Variants in TM4SF5 observed in about 807,000 individuals in gnomAD.
The protein encoded by TM4SF5 is transmembrane 4 L6 family member 5.
In TM4SF5, 16 loss-of-function variants were observed where a neutral mutation model predicts 22.3. That is an observed-to-expected ratio of 0.72 (90% CI 0.49 to 1.09). The LOEUF (loss-of-function observed/expected upper bound fraction) is 1.09, where lower values mean the gene tolerates loss of function less well. Ranked by LOEUF, TM4SF5 falls within the 50% of genes least tolerant of loss-of-function variation. The pLI is 0.00. For missense variants in TM4SF5, 249 were observed against 266.1 expected, an observed-to-expected ratio of 0.94 and a Z score of 0.45; for synonymous variants, 113 against 109.6, an observed-to-expected ratio of 1.03 and a Z score of -0.19.
At position 4,777,267 on chromosome 17, in the gene TM4SF5, G is replaced by T. The variant is rs1347772506; in HGVS notation, c.178-3522G>T. ...AAGACATCCAGGAGAGATGAGAGTG[G>T]CTTGGACTAGGCCAGTGGCTATGGA... On this transcript the variant is annotated intron_variant, in intron 1 of 4. Transcript: ENST00000270560. Among the ~76,000 whole-genome samples the T allele has an allele frequency of 2.0e-5, 3 of 152,050 alleles. No homozygotes were observed. In the South Asian group the frequency reaches 6.2e-4, roughly 32 times the overall value.
At chr17:4,772,236 C>T (rs1309570417) in intron 1 of TM4SF5, 137 bp downstream of exon 1, 6 of 1,079,732 alleles carry the variant, frequency 5.6e-6, no homozygotes, top group Non-Finnish European at 7.9e-6. Flanking sequence ...GGCTAGCAGC[C>T]CTCTGGAGTC....
At chr17:4,782,015 C>A (rs190917093) in intron 2 of TM4SF5, among the ~76,000 whole-genome samples, 1 of 151,500 alleles carries the variant, frequency 6.6e-6, no homozygotes, top group African/African-American at 2.4e-5. Flanking sequence ...CGCAGAGGAG[C>A]TTGTGTAGCT....
intron 1 of TM4SF5, among the ~76,000 whole-genome samples, chr17:4,777,443 A>C (rs1917227569): frequency 6.6e-6 from 1 of 152,178 alleles, no homozygotes; most frequent in South Asian, 2.1e-4. Flanking sequence ...CAAAAGAGTA[A>C]AAATCTCAAA....
intron 1 of TM4SF5, among the ~76,000 whole-genome samples, chr17:4,773,627 CCT>C (rs1468466006): frequency 6.6e-6 from 1 of 152,074 alleles, no homozygotes; most frequent in African/African-American, 2.4e-5. Flanking sequence ...CCAACAATCC[CCT>C]CTTACTCTCT....
intron 1 of TM4SF5, among the ~76,000 whole-genome samples, chr17:4,779,251 A>G (rs1597298812): frequency 6.6e-6 from 1 of 152,146 alleles, no homozygotes; most frequent in East Asian, 1.9e-4. Context: ...GCAAATAGCA[A>G]GACCCCATGT....
intron 2 of TM4SF5, among the ~76,000 whole-genome samples, chr17:4,781,095 G>T (rs754190569): frequency 6.8e-6 from 1 of 148,070 alleles, no homozygotes; most frequent in Non-Finnish European, 1.5e-5. Flanking sequence ...TGGGAGGGCC[G>T]CTTGAGCCCA....
intron 2 of TM4SF5, among the ~76,000 whole-genome samples, chr17:4,781,073 G>A (rs1917297232): frequency 1.3e-5 from 2 of 150,428 alleles, no homozygotes; most frequent in Admixed American, 1.3e-4. Context: ...TCGGCTACTT[G>A]GGAGGCTGAG....
At position 4,772,218 on chromosome 17, in the gene TM4SF5, T is replaced by C. The variant is rs375612836; in HGVS notation, c.177+119T>C. 128 of 1,273,724 alleles carry C rather than the reference T, an allele frequency of 1.0e-4. No homozygotes were observed. In the African/African-American group the frequency reaches 1.4e-3, roughly 14 times the overall value. 78.9% of individuals were successfully genotyped at this position (1,273,724 alleles called of 1,614,324 possible). A position where few individuals can be genotyped will look rare whatever the true frequency, so the allele number is the denominator to read the frequency against. ...TTGCTTGGGAGAGGATGGCAATGGC[T>C]TCGTGGGGGCTAGCAGCCCTCTGGA... On this transcript the variant is annotated intron_variant, in intron 1 of 4. Transcript: ENST00000270560.
Position 4,772,012 on chromosome 17 carries a change from A to C in TM4SF5, c.90A>C (p.Val30=). 2 of 1,614,042 alleles carry C rather than the reference A, an allele frequency of 1.2e-6. No individual in the cohort carries two copies. Among genetic ancestry groups the C allele is most frequent in the African/African-American group, 2.7e-5 (2 of 75,006 alleles). ...TTGTGGCCAACGCCCTCCTGCTGGT[A>C]CCTAATGGGGAGACCTCCTGGACCA... is the stretch of plus-strand genomic sequence containing the variant. ...VCIVANALLL[V]PNGETSWTNT... The change falls in exon 1 of 5, where the codon GTA becomes GTC. Residue 30 remains valine (V), a synonymous_variant. Coordinates refer to ENST00000270560, the MANE Select transcript of TM4SF5 (RefSeq NM_003963.3).
At chr17:4,777,956 G>A (rs141060581) in intron 1 of TM4SF5, among the ~76,000 whole-genome samples, 7 of 152,218 alleles carry the variant, frequency 4.6e-5, no homozygotes, top group African/African-American at 1.7e-4. Context: ...TAAGGTGAGA[G>A]GATCACTTGA....
In TM4SF5 at chr17:4,771,996, A is replaced by G. The variant is rs1917117670; in HGVS notation, c.74A>G (p.Asn25Ser). ...ITLCLVCIVA[N>S]ALLLVPNGET... ...CTCTGCCTCGTCTGCATTGTGGCCA[A>G]CGCCCTCCTGCTGGTACCTAATGGG... Residue 25 changes from asparagine (N) to serine (S), a missense_variant, in exon 1 of 5, where the codon AAC becomes AGC. Physicochemically the swap from Asn to Ser is conservative, Grantham distance 46. Transcript: ENST00000270560. 2 of 1,613,988 alleles carry G rather than the reference A, an allele frequency of 1.2e-6. No homozygotes were observed. The highest frequency in any genetic ancestry group is 1.7e-6 in the Non-Finnish European group (2 of 1,179,998).
chr17:4,772,085 G>C lies in TM4SF5; in HGVS notation c.163G>C (p.Gly55Arg). ...AGTCTGGCTCATGGGCGGCTTCATT[G>C]GCGGGGGCCTAATGGTGAGAAGGCT... ...LQVWLMGGFI[G>R]GGLMVLCPGI... Residue 55 changes from glycine to arginine, a missense_variant, in exon 1 of 5, where the codon GGC becomes CGC. By Grantham distance (125) the Gly-to-Arg change is moderately radical. Coordinates refer to ENST00000270560, the MANE Select transcript of TM4SF5 (RefSeq NM_003963.3). The C allele has an allele frequency of 6.2e-7, 1 of 1,614,224 alleles. No individual in the cohort carries two copies. Among genetic ancestry groups the C allele is most frequent in the Non-Finnish European group, 8.5e-7 (1 of 1,180,044 alleles).
chr17:4,783,143 C>A lies in TM4SF5; in HGVS notation c.*15C>A. ...CACCTCACTGAGGCTCCACTGACCG[C>A]CGGGTTACACCTGCTCCTTCCTGGA... is the stretch of plus-strand genomic sequence containing the variant. On this transcript the variant is annotated 3_prime_UTR_variant, in exon 5 of 5. Coordinates refer to ENST00000270560, the MANE Select transcript of TM4SF5 (RefSeq NM_003963.3). 1 of 1,613,050 alleles carries A rather than the reference C, an allele frequency of 6.2e-7. No individual in the cohort carries two copies. The highest frequency in any genetic ancestry group is 1.3e-5 in the African/African-American group (1 of 74,796).
At chr17:4,776,793 T>TGTA (rs2150646019) in intron 1 of TM4SF5, among the ~76,000 whole-genome samples, 1 of 152,344 alleles carries the variant, frequency 6.6e-6, no homozygotes, top group East Asian at 1.9e-4. Context: ...GCCAGTTTTC[T>TGTA]GTAGTTCTTA....
intron 2 of TM4SF5, among the ~76,000 whole-genome samples, chr17:4,781,135 TAAAAAAAAAAAAAA>T (rs541886050): frequency 5.0e-4 from 62 of 125,064 alleles, no homozygotes; most frequent in Non-Finnish European, 6.2e-4. Flanking sequence ...AGCAGTGATT[TAAAAAAAAAAAAAA>T]AAAAAAAAAA....
chr17:4,772,515 T>A (rs1917131117), intron 1 of TM4SF5, among the ~76,000 whole-genome samples: 1 of 152,084 alleles, frequency 6.6e-6, no homozygotes, highest in African/African-American at 2.4e-5. Context: ...GGGACTGCCC[T>A]CACGGATCAG....
intron 2 of TM4SF5, 110 bp downstream of exon 2, chr17:4,780,979 G>C: frequency 1.1e-6 from 1 of 889,590 alleles, no homozygotes; most frequent in East Asian, 2.8e-5. Context: ...AGGAGTTCTA[G>C]ACCAGCCCAG....
Position 4,771,911 on chromosome 17 carries a change from TGA to T in TM4SF5, c.-11_-10del. 1 of 1,614,108 alleles carries T rather than the reference TGA, an allele frequency of 6.2e-7. No individual in the cohort carries two copies. Among genetic ancestry groups the T allele is most frequent in the Non-Finnish European group, 8.5e-7 (1 of 1,179,972 alleles). On this transcript the variant is annotated 5_prime_UTR_variant, in exon 1 of 5. Transcript: ENST00000270560. ...ACTTTCACTCACCGCCTGTCCTTCC[TGA>T]CACCTCACCATGTGTACGGGAAAAT...
At position 4,772,054 on chromosome 17, in the gene TM4SF5, C is replaced by A; in HGVS notation, c.132C>A (p.Ser44Arg). The A allele has an allele frequency of 6.2e-7, 1 of 1,614,230 alleles. No individual in the cohort carries two copies. Among genetic ancestry groups the A allele is most frequent in the Non-Finnish European group, 8.5e-7 (1 of 1,180,046 alleles). The change falls in exon 1 of 5, where the codon AGC becomes AGA. Residue 44 changes from serine (S) to arginine (R), a missense_variant. Physicochemically the swap from Ser to Arg is moderately radical, Grantham distance 110. Coordinates refer to ENST00000270560, the MANE Select transcript of TM4SF5 (RefSeq NM_003963.3). ...CCTGGACCAACACCAACCATCTCAG[C>A]TTGCAAGTCTGGCTCATGGGCGGCT... ...ETSWTNTNHL[S>R]LQVWLMGGFI...
Sources: allele counts gnomAD v4.1 joint callset (sites outside exome capture counted in the v4.1 genomes callset), GRCh38; gene constraint gnomAD v4.1.1; transcripts MANE v1.5; gene names NCBI Gene and HGNC (gene_info 2026-07-23, HGNC 2026-07-21).